The following SCRG1 variants were observed in gnomAD, a reference collection of about 807,000 sequenced individuals.
SCRG1 encodes stimulator of chondrogenesis 1.
A neutral mutation model predicts 7.7 loss-of-function variants in SCRG1; 3 were observed. The observed-to-expected ratio is 0.39, with a 90% CI of 0.18 to 1.01. SCRG1 has a LOEUF of 1.01. Ranked by LOEUF, SCRG1 falls within the 50% of genes least tolerant of loss-of-function variation. The pLI, the probability that SCRG1 is intolerant of heterozygous loss-of-function variation, is 0.36. For missense variants in SCRG1, 110 were observed against 117.2 expected, an observed-to-expected ratio of 0.94 and a Z score of 0.28; for synonymous variants, 46 against 41.2, an observed-to-expected ratio of 1.12 and a Z score of -0.44.
At chr4:173,517,841 C>G in the SCRG1 span, among the ~76,000 whole-genome samples, 9 of 152,376 alleles carry the variant, frequency 5.9e-5, no homozygotes, top group South Asian at 1.9e-3. Context: ...GGGCCCTTAG[C>G]CTCGCCGGCC....
At chr4:173,482,075 G>A in the SCRG1 span, among the ~76,000 whole-genome samples, 10 of 152,084 alleles carry the variant, frequency 6.6e-5, no homozygotes, top group East Asian at 1.7e-3. Flanking sequence ...TCTTGATTTG[G>A]TGGTTGAGTG....
At chr4:173,450,387 C>T in the SCRG1 span, among the ~76,000 whole-genome samples, 1 of 152,102 alleles carries the variant, frequency 6.6e-6, no homozygotes, top group Non-Finnish European at 1.5e-5. Context: ...GCTGAAAGTC[C>T]CCAAAAGCTC....
rs187735680 is a variant in SCRG1 at position 173,385,772 on chromosome 4, C to G, written c.*2569G>C. 5 of 152,212 alleles carry G rather than the reference C, an allele frequency of 3.3e-5. No homozygotes were observed. The highest frequency in any genetic ancestry group is 3.3e-4 in the Admixed American group (5 of 15,296). The allele number at this position is 152,212 out of a possible 1,614,324, so 9.4% of individuals were successfully genotyped here. ...ACGTTTACTAAAAAGCCGTTGTTGTCTCACATATGTCCTTATGCTGATGTG... is the reference window on the plus strand; with the variant it reads ...ACGTTTACTAAAAAGCCGTTGTTGTGTCACATATGTCCTTATGCTGATGTG... On this transcript the variant is annotated 3_prime_UTR_variant, in exon 3 of 3. Transcript: ENST00000296506.
chr4:173,515,554 G>A, the SCRG1 span, among the ~76,000 whole-genome samples: 1 of 151,010 alleles, frequency 6.6e-6, no homozygotes, highest in Admixed American at 6.7e-5. The surrounding 1 kb of genome is among the most constrained non-coding windows in gnomAD (Gnocchi z 4.6). Flanking sequence ...TGCACCAACA[G>A]ATGAGAGAGG....
chr4:173,455,128 T>C, the SCRG1 span, among the ~76,000 whole-genome samples: 1 of 151,872 alleles, frequency 6.6e-6, no homozygotes. Context: ...CAATCCTGGG[T>C]CCTCAGCGAT....
chr4:173,397,507 A>T (rs1028892028), intron 1 of SCRG1, among the ~76,000 whole-genome samples: 1 of 152,194 alleles, frequency 6.6e-6, no homozygotes, highest in Non-Finnish European at 1.5e-5. Flanking sequence ...ATGTTGTATG[A>T]TACCATTTAT....
the SCRG1 span, among the ~76,000 whole-genome samples, chr4:173,473,163 G>A: frequency 6.6e-6 from 1 of 152,168 alleles, no homozygotes; most frequent in Non-Finnish European, 1.5e-5. Context: ...CTTTAGTTGA[G>A]TATCTACTAT....
At chr4:173,485,501 A>G in the SCRG1 span, among the ~76,000 whole-genome samples, 1 of 151,814 alleles carries the variant, frequency 6.6e-6, no homozygotes, top group African/African-American at 2.4e-5. Flanking sequence ...CAGAAGAACT[A>G]CCAGCTGGGC....
chr4:173,486,248 A>G, the SCRG1 span, among the ~76,000 whole-genome samples: 1 of 152,114 alleles, frequency 6.6e-6, no homozygotes, highest in Non-Finnish European at 1.5e-5. Context: ...TTCTATTTAC[A>G]TTTTGGTTTG....
chr4:173,438,356 C>T, the SCRG1 span, among the ~76,000 whole-genome samples: 3 of 151,964 alleles, frequency 2.0e-5, no homozygotes, highest in Non-Finnish European at 4.4e-5. Context: ...ATCCCGGGCT[C>T]AAGCTATCTG....
rs1337227819 is a variant in SCRG1, at chr4:173,384,883, C to T, written c.*3458G>A. The T allele has an allele frequency of 6.6e-6, 1 of 152,046 alleles. No individual in the cohort carries two copies. The highest frequency in any genetic ancestry group is 1.5e-5 in the Non-Finnish European group (1 of 68,006). 9.4% of individuals were successfully genotyped at this position (152,046 alleles called of 1,614,324 possible). A position where few individuals can be genotyped will look rare whatever the true frequency, so the allele number is the denominator to read the frequency against. On this transcript the variant is annotated 3_prime_UTR_variant, in exon 3 of 3. Transcript: ENST00000296506. ...GCATATATGAGCTATCTGAAATGTA[C>T]AATTGTGTGTCCTATCCATGTAAAA... is the stretch of plus-strand genomic sequence containing the variant.
the SCRG1 span, among the ~76,000 whole-genome samples, chr4:173,458,624 G>A: frequency 4.6e-5 from 7 of 152,186 alleles, no homozygotes; most frequent in South Asian, 6.2e-4. Context: ...AAAGAGAAAA[G>A]AATGAAAACT....
the SCRG1 span, among the ~76,000 whole-genome samples, chr4:173,476,118 T>G: frequency 6.6e-6 from 1 of 151,554 alleles, no homozygotes; most frequent in African/African-American, 2.4e-5. Context: ...AGTTTAAAAA[T>G]AAAAAATGCC....
chr4:173,506,286 A>G, the SCRG1 span, among the ~76,000 whole-genome samples: 1 of 152,184 alleles, frequency 6.6e-6, no homozygotes, highest in African/African-American at 2.4e-5. The surrounding 1 kb of genome is among the most constrained non-coding windows in gnomAD (Gnocchi z 5.3). Context: ...TTCCTTAGAA[A>G]GGGATTTCCC....
the SCRG1 span, among the ~76,000 whole-genome samples, chr4:173,510,351 T>C: frequency 3.1e-3 from 471 of 152,150 alleles, no homozygotes; most frequent in African/African-American, 0.01. The surrounding 1 kb of genome is among the most constrained non-coding windows in gnomAD (Gnocchi z 5.7). Context: ...AAGCAGCCGA[T>C]GGCTCCCAAG....
At chr4:173,473,136 T>C in the SCRG1 span, among the ~76,000 whole-genome samples, 57 of 152,356 alleles carry the variant, frequency 3.7e-4, no homozygotes, top group Non-Finnish European at 4.9e-4. Context: ...TATCTAGCCA[T>C]GAATGTGTTC....
chr4:173,518,565 T>A, the SCRG1 span, among the ~76,000 whole-genome samples: 2 of 152,096 alleles, frequency 1.3e-5, no homozygotes, highest in South Asian at 4.1e-4. Context: ...GAGGCCTCAG[T>A]ACAGCCTTCG....
the SCRG1 span, among the ~76,000 whole-genome samples, chr4:173,457,781 A>G: frequency 6.6e-6 from 1 of 152,120 alleles, no homozygotes; most frequent in Admixed American, 6.5e-5. Flanking sequence ...ACTTATACCT[A>G]TACTACCTGG....
the SCRG1 span, chr4:173,419,950 A>T: frequency 2.7e-6 from 2 of 729,996 alleles, no homozygotes; most frequent in African/African-American, 1.7e-5. Context: ...CCCCCTCTAT[A>T]CGGGCATAAG....
Sources: allele counts gnomAD v4.1 joint callset (sites outside exome capture counted in the v4.1 genomes callset), GRCh38; gene constraint gnomAD v4.1.1; non-coding constraint Gnocchi (gnomAD v3.1); transcripts MANE v1.5; gene names NCBI Gene and HGNC (gene_info 2026-07-23, HGNC 2026-07-21).